Variants in CPVL observed in about 807,000 individuals in gnomAD.
CPVL encodes probable serine carboxypeptidase CPVL.
A neutral mutation model predicts 63.7 loss-of-function variants in CPVL; 51 were observed. The observed-to-expected ratio is 0.80, with a 90% confidence interval of 0.64 to 1.01. CPVL has a LOEUF of 1.01. CPVL is among the 50% of genes least tolerant of loss of function. The pLI, the probability that CPVL is intolerant of heterozygous loss-of-function variation, is 0.00. For missense variants in CPVL, 530 were observed against 573.1 expected, an observed-to-expected ratio of 0.92 and a Z score of 0.77; for synonymous variants, 195 against 206.0, an observed-to-expected ratio of 0.95 and a Z score of 0.46.
chr7:29,107,366 TC>T (rs2128625234), intron 3 of CPVL, among the ~76,000 whole-genome samples: 1 of 152,310 alleles, frequency 6.6e-6, no homozygotes, highest in Admixed American at 6.5e-5. Context: ...TCAATCCACA[TC>T]CTGATTTGGA....
rs190462784 is a variant in CPVL, at chr7:29,129,656, G to A, written c.-10-8585C>T. Among the ~76,000 whole-genome samples, 226 of 152,038 alleles carry A rather than the reference G, an allele frequency of 1.5e-3. 2 individuals are homozygous for A. The highest frequency in any genetic ancestry group is 5.1e-3 in the African/African-American group (212 of 41,466). On this transcript the variant is annotated intron_variant, in intron 1 of 12. Transcript: ENST00000265394. Reference sequence around the variant, plus strand: ...GCTAATTTTTTGCATTTTAGTAGAGGTGGGGTTTCACCATGTTGGCCAGGA... The same window carrying A: ...GCTAATTTTTTGCATTTTAGTAGAGATGGGGTTTCACCATGTTGGCCAGGA...
chr7:29,149,817 C>G (rs1793344660), upstream of CPVL, among the ~76,000 whole-genome samples: 1 of 152,168 alleles, frequency 6.6e-6, no homozygotes, highest in Non-Finnish European at 1.5e-5. Flanking sequence ...TGTGTCTTTT[C>G]ACAGTGTCTC....
At chr7:29,053,814 A>T (rs1442965073) in intron 11 of CPVL, among the ~76,000 whole-genome samples, 1 of 151,474 alleles carries the variant, frequency 6.6e-6, no homozygotes, top group Non-Finnish European at 1.5e-5. Flanking sequence ...GCACTTTGGA[A>T]GGCTGAGGTG....
intron 11 of CPVL, among the ~76,000 whole-genome samples, chr7:29,054,049 G>T (rs1790465227): frequency 6.6e-6 from 1 of 152,050 alleles, no homozygotes; most frequent in Admixed American, 6.6e-5. Flanking sequence ...TCCAGCCTAG[G>T]TAATAGAGCA....
intron 11 of CPVL, among the ~76,000 whole-genome samples, chr7:29,032,265 A>G (rs1584042984): frequency 6.6e-6 from 1 of 152,172 alleles, no homozygotes; most frequent in East Asian, 1.9e-4. Flanking sequence ...CACACTCCAA[A>G]TCCTCAAGCA....
At chr7:29,116,534 A>G (rs1001075132) in intron 2 of CPVL, among the ~76,000 whole-genome samples, 4 of 152,230 alleles carry the variant, frequency 2.6e-5, no homozygotes, top group Non-Finnish European at 4.4e-5. Flanking sequence ...GCTGCAACCA[A>G]TGTTTGTGAT....
At chr7:29,062,326 C>CTTCTGG (rs1782695789) in intron 11 of CPVL, among the ~76,000 whole-genome samples, 1 of 152,112 alleles carries the variant, frequency 6.6e-6, no homozygotes, top group Non-Finnish European at 1.5e-5. Context: ...AGAGGACAAA[C>CTTCTGG]AGCAGTGCCT....
At chr7:29,032,208 C>T (rs10261504) in intron 11 of CPVL, among the ~76,000 whole-genome samples, 5 of 151,994 alleles carry the variant, frequency 3.3e-5, no homozygotes, top group African/African-American at 9.7e-5. Context: ...CTTTACGGTG[C>T]GGGTTCTTAA....
At chr7:29,035,809 G>A (rs1213214724) in intron 11 of CPVL, among the ~76,000 whole-genome samples, 1 of 152,174 alleles carries the variant, frequency 6.6e-6, no homozygotes, top group Non-Finnish European at 1.5e-5. Context: ...TGTACTTTGT[G>A]GGTCACCCAC....
At chr7:29,081,368 G>A (rs1353719162) in intron 7 of CPVL, 1 of 152,088 alleles carries the variant, frequency 6.6e-6, no homozygotes, top group East Asian at 1.9e-4. Context: ...TGGTGTTCTG[G>A]GCAGAAATGA....
intron 11 of CPVL, among the ~76,000 whole-genome samples, chr7:29,032,096 T>C (rs17157410): frequency 0.28 from 42,269 of 152,052 alleles, 7,477 homozygotes; most frequent in African/African-American, 0.51. Context: ...TCCATGCTAC[T>C]TTTGATCTAT....
chr7:29,135,383 G>C (rs1036241389), intron 1 of CPVL, among the ~76,000 whole-genome samples: 4 of 151,424 alleles, frequency 2.6e-5, no homozygotes, highest in Admixed American at 6.6e-5. Flanking sequence ...CCAGGCTGGA[G>C]TGCAGTGGCG....
intron 6 of CPVL, among the ~76,000 whole-genome samples, chr7:29,090,589 C>T (rs1198132371): frequency 1.3e-5 from 2 of 152,174 alleles, no homozygotes; most frequent in Non-Finnish European, 2.9e-5. Context: ...TACTGTCTCA[C>T]CAGCACCAAG....
chr7:29,030,705 GCT>G lies in CPVL; in HGVS notation c.1190_1191del (p.Glu397AlafsTer26). On this transcript the variant is annotated frameshift_variant, in exon 12 of 13. Transcript: ENST00000265394. LOFTEE classifies it high-confidence loss of function. ...TTCCAGTCCATGCCCATCAAGGAGCGCTCTGTCAGGGCAGCTGCCACGATGAT... is the reference window on the plus strand; with the variant it reads ...TTCCAGTCCATGCCCATCAAGGAGCGCTGTCAGGGCAGCTGCCACGATGAT... ...LDIIVAAALT[E>X]RSLMGMDWKG... The G allele has an allele frequency of 1.2e-6, 2 of 1,613,218 alleles. No individual in the cohort carries two copies. The highest frequency in any genetic ancestry group is 1.7e-5 in the Admixed American group (1 of 59,922).
chr7:29,151,094 G>A (rs1793529448), upstream of CPVL, among the ~76,000 whole-genome samples: 1 of 152,194 alleles, frequency 6.6e-6, no homozygotes, highest in African/African-American at 2.4e-5. Context: ...CACATGCCCT[G>A]ATCAACTTAT....
chr7:29,060,783 A>C (rs1791194645), intron 11 of CPVL, among the ~76,000 whole-genome samples: 1 of 152,194 alleles, frequency 6.6e-6, no homozygotes, highest in Admixed American at 6.5e-5. Context: ...GTACTGGAAA[A>C]AGACCTCTAG....
At chr7:29,032,106 T>C (rs1480982015) in intron 11 of CPVL, among the ~76,000 whole-genome samples, 1 of 152,184 alleles carries the variant, frequency 6.6e-6, no homozygotes, top group African/African-American at 2.4e-5. Context: ...TTTTGATCTA[T>C]TTGAAGGCTC....
At chr7:29,006,300 G>A (rs1013159871) in intron 12 of CPVL, among the ~76,000 whole-genome samples, 1 of 152,190 alleles carries the variant, frequency 6.6e-6, no homozygotes, top group Non-Finnish European at 1.5e-5. Context: ...CATTTTGGCT[G>A]TCCTGGGGAA....
intron 5 of CPVL, among the ~76,000 whole-genome samples, chr7:29,177,551 G>A (rs571187949): frequency 1.5e-4 from 23 of 148,702 alleles, no homozygotes; most frequent in Admixed American, 1.3e-3. Context: ...ACCGTGCCTG[G>A]CCCCCTCACT....
Sources: allele counts gnomAD v4.1 joint callset (sites outside exome capture counted in the v4.1 genomes callset), GRCh38; gene constraint gnomAD v4.1.1; transcripts MANE v1.5; gene names NCBI Gene and HGNC (gene_info 2026-07-23, HGNC 2026-07-21).